Variants in LRRC4C observed in about 807,000 individuals in gnomAD.
LRRC4C encodes leucine rich repeat containing 4C, also known as leucine-rich repeat-containing protein 4C.
Under a neutral mutation model 33.6 loss-of-function variants are expected in LRRC4C, and 5 were observed. That is an observed-to-expected ratio of 0.15 (90% confidence interval 0.08 to 0.31). The LOEUF (loss-of-function observed/expected upper bound fraction) is 0.31, where lower values mean the gene tolerates loss of function less well. LRRC4C is among the 10% of genes least tolerant of loss of function. The pLI is 1.00. For missense variants in LRRC4C, 560 were observed against 796.7 expected, an observed-to-expected ratio of 0.70 and a Z score of 3.58; for synonymous variants, 329 against 302.0, an observed-to-expected ratio of 1.09 and a Z score of -0.93.
At chr11:40,626,801 A>G (rs1354962468) in intron 3 of LRRC4C, among the ~76,000 whole-genome samples, 3 of 152,158 alleles carry the variant, frequency 2.0e-5, no homozygotes, top group African/African-American at 7.2e-5. Flanking sequence ...ATCACTTTCC[A>G]TCTAAGTCTC....
At chr11:40,632,360 G>T (rs1025930511) in intron 3 of LRRC4C, among the ~76,000 whole-genome samples, 1 of 152,156 alleles carries the variant, frequency 6.6e-6, no homozygotes, top group Non-Finnish European at 1.5e-5. Flanking sequence ...GGTAATTTGC[G>T]GAACTCAATC....
At chr11:40,243,641 A>G (rs898400492) in intron 4 of LRRC4C, among the ~76,000 whole-genome samples, 4 of 146,848 alleles carry the variant, frequency 2.7e-5, no homozygotes, top group African/African-American at 1.0e-4. Flanking sequence ...TAATTTTGTT[A>G]TTATTTTATT....
rs779507164 is a variant in LRRC4C at position 40,440,824 on chromosome 11, C to T, written c.-269-121103G>A. On this transcript the variant is annotated intron_variant, in intron 3 of 6. Coordinates refer to ENST00000528697, the MANE Select transcript of LRRC4C (RefSeq NM_001258419.2). ...AGGATGCACCAGGCTGAAGGGAGTC[C>T]GCTCATTTTGTGCACAGCTGCAATC... 1.8e-4 allele frequency among the ~76,000 whole-genome samples: 28 copies of T among 151,970 alleles called. 1 individual carries two copies. Among genetic ancestry groups the T allele is most frequent in the Middle Eastern group, 3.4e-3 (1 of 294 alleles).
chr11:41,327,723 G>T (rs1361499544), intron 1 of LRRC4C, among the ~76,000 whole-genome samples: 1 of 152,110 alleles, frequency 6.6e-6, no homozygotes. Flanking sequence ...AATCATGGGG[G>T]CAGGTTTGTC....
chr11:41,061,571 C>T (rs952589617), intron 1 of LRRC4C, among the ~76,000 whole-genome samples: 9 of 152,118 alleles, frequency 5.9e-5, no homozygotes, highest in Admixed American at 5.9e-4. Context: ...TACAATATGA[C>T]CACAAAAATA....
intron 1 of LRRC4C, among the ~76,000 whole-genome samples, chr11:41,118,033 T>C (rs536582174): frequency 1.3e-5 from 2 of 152,286 alleles, no homozygotes; most frequent in African/African-American, 4.8e-5. Context: ...TTCTAAAAAT[T>C]ACTACCCCTT....
chr11:41,168,058 C>T (rs911947859), intron 1 of LRRC4C, among the ~76,000 whole-genome samples: 3 of 152,104 alleles, frequency 2.0e-5, no homozygotes, highest in Non-Finnish European at 4.4e-5. Flanking sequence ...AATATGTTTA[C>T]ATTTTAGCTG....
chr11:40,114,929 GAAA>G lies in LRRC4C; in HGVS notation c.1361_1363del (p.Phe454del). 6.2e-7 allele frequency: 1 copy of G among 1,614,198 alleles called. No homozygotes were observed. Among genetic ancestry groups the G allele is most frequent in the Non-Finnish European group, 8.5e-7 (1 of 1,180,050 alleles). ...TTCCATAGTCTCTACTGTGACGGTT[GAAA>G]AGTAAGAGAAAGGAGTAGTGGTTGC... is the stretch of plus-strand genomic sequence containing the variant. On this transcript the variant is annotated inframe_deletion, in exon 7 of 7. Transcript: ENST00000528697.
chr11:41,116,447 T>C (rs1210689901), intron 1 of LRRC4C, among the ~76,000 whole-genome samples: 1 of 152,178 alleles, frequency 6.6e-6, no homozygotes, highest in Non-Finnish European at 1.5e-5. Flanking sequence ...TGATCTGTGA[T>C]GATTGGCTGA....
chr11:41,395,917 C>A (rs775222341), intron 1 of LRRC4C, among the ~76,000 whole-genome samples: 1 of 152,034 alleles, frequency 6.6e-6, no homozygotes, highest in Admixed American at 6.5e-5. Flanking sequence ...TTGTTTCTTT[C>A]CTTTTGGAAA....
intron 4 of LRRC4C, among the ~76,000 whole-genome samples, chr11:40,279,263 C>G (rs1433326261): frequency 6.6e-6 from 1 of 152,036 alleles, no homozygotes; most frequent in East Asian, 1.9e-4. Context: ...GAGATCAGTC[C>G]CAAAAGAAAA....
In LRRC4C at chr11:40,706,244, T is replaced by G. The variant is rs568960345; in HGVS notation, c.-406-57966A>C. Among the ~76,000 whole-genome samples the G allele has an allele frequency of 1.3e-3, 201 of 152,338 alleles. 1 individual carries two copies. Among genetic ancestry groups the G allele is most frequent in the African/African-American group, 4.7e-3 (195 of 41,588 alleles). ...TCCCATTTGTCTATTTTGGCTTTTC[T>G]TGACATTGCTTTTGGTGTTATAGTC... On this transcript the variant is annotated intron_variant, in intron 2 of 6. Coordinates refer to ENST00000528697, the MANE Select transcript of LRRC4C (RefSeq NM_001258419.2).
intron 3 of LRRC4C, among the ~76,000 whole-genome samples, chr11:40,519,292 C>A (rs189976206): frequency 1.3e-5 from 2 of 152,108 alleles, no homozygotes; most frequent in East Asian, 3.9e-4. Context: ...AAGTAGAAAT[C>A]CTGGCTATGA....
chr11:40,969,452 T>C (rs1325398774), intron 1 of LRRC4C, among the ~76,000 whole-genome samples: 1 of 102,966 alleles, frequency 9.7e-6, no homozygotes, highest in East Asian at 3.1e-4. Flanking sequence ...TCAAACAGCA[T>C]CTTACACTAC....
At chr11:40,454,992 A>G (rs960417741) in intron 3 of LRRC4C, among the ~76,000 whole-genome samples, 3 of 152,160 alleles carry the variant, frequency 2.0e-5, no homozygotes, top group African/African-American at 7.2e-5. Context: ...TGGGAGCAAC[A>G]CGTCAGAAAT....
intron 1 of LRRC4C, among the ~76,000 whole-genome samples, chr11:41,307,245 T>G (rs1443078041): frequency 6.6e-6 from 1 of 152,148 alleles, no homozygotes; most frequent in East Asian, 1.9e-4. Context: ...GATTACATAT[T>G]TTATGAGCTT....
At chr11:40,159,290 G>A (rs1471384250) in intron 5 of LRRC4C, among the ~76,000 whole-genome samples, 1 of 152,124 alleles carries the variant, frequency 6.6e-6, no homozygotes, top group Non-Finnish European at 1.5e-5. Context: ...GCATTTTGAA[G>A]GGTTTATTTG....
intron 1 of LRRC4C, among the ~76,000 whole-genome samples, chr11:41,428,789 C>A (rs2138399300): frequency 6.6e-6 from 1 of 152,104 alleles, no homozygotes; most frequent in Non-Finnish European, 1.5e-5. Context: ...AGATATTGAT[C>A]TTGACATTGA....
At chr11:40,363,162 C>A (rs887136850) in intron 3 of LRRC4C, among the ~76,000 whole-genome samples, 2 of 152,074 alleles carry the variant, frequency 1.3e-5, no homozygotes, top group Non-Finnish European at 2.9e-5. Flanking sequence ...ATCCTAAATG[C>A]CCATCAAGGA....
Sources: gnomAD v4.1 joint callset for allele counts (sites outside exome capture counted in the v4.1 genomes callset) on GRCh38, gnomAD v4.1.1 for gene constraint, MANE v1.5 for transcripts, NCBI Gene and HGNC (gene_info 2026-07-23, HGNC 2026-07-21) for gene names.